Variants in SAMD5 observed in about 807,000 individuals in gnomAD.
SAMD5 encodes the protein sterile alpha motif domain containing 5.
A neutral mutation model predicts 11.3 loss-of-function variants in SAMD5; 13 were observed. The ratio of observed to expected loss-of-function variants is 1.15; its 90% CI spans 0.75 to 1.83. SAMD5 has a LOEUF of 1.83. Ranked by LOEUF, SAMD5 falls within the 40% of genes most tolerant of loss-of-function variation. The pLI is 0.00. For synonymous variants in SAMD5, 129 were observed against 111.3 expected, an observed-to-expected ratio of 1.16 and a Z score of -1.00; for missense variants, 255 against 239.1, an observed-to-expected ratio of 1.07 and a Z score of -0.44.
At chr6:147,704,335 T>C (rs1459311675) in intron 1 of SAMD5, among the ~76,000 whole-genome samples, 2 of 152,150 alleles carry the variant, frequency 1.3e-5, no homozygotes, top group Non-Finnish European at 2.9e-5. Context: ...AAATCCCTAC[T>C]TGTAATTATT....
chr6:147,874,822 T>C, the SAMD5 span, among the ~76,000 whole-genome samples: 1 of 151,934 alleles, frequency 6.6e-6, no homozygotes, highest in Non-Finnish European at 1.5e-5. Context: ...TTAATTTTAG[T>C]GGTCCTTTAT....
At chr6:147,699,695 G>A (rs1442133191) in intron 1 of SAMD5, among the ~76,000 whole-genome samples, 1 of 152,030 alleles carries the variant, frequency 6.6e-6, no homozygotes, top group African/African-American at 2.4e-5. Context: ...CTCTATCAAG[G>A]GTGATTTTAA....
At chr6:147,598,245 C>T (rs1185438849) in intron 1 of SAMD5, among the ~76,000 whole-genome samples, 1 of 151,962 alleles carries the variant, frequency 6.6e-6, no homozygotes, top group Non-Finnish European at 1.5e-5. Flanking sequence ...CCACCAGAGC[C>T]CCCCAAGTAG....
At chr6:147,808,410 C>T in the SAMD5 span, among the ~76,000 whole-genome samples, 1 of 152,068 alleles carries the variant, frequency 6.6e-6, no homozygotes, top group African/African-American at 2.4e-5. Context: ...CACTATGTTG[C>T]CCAGGCTGTT....
chr6:147,603,803 A>G (rs1789658627), intron 1 of SAMD5, among the ~76,000 whole-genome samples: 1 of 152,154 alleles, frequency 6.6e-6, no homozygotes, highest in South Asian at 2.1e-4. Context: ...AAAAACAACA[A>G]CAACAACAAA....
intron 1 of SAMD5, among the ~76,000 whole-genome samples, chr6:147,733,431 G>A (rs1307909578): frequency 6.6e-6 from 1 of 152,024 alleles, no homozygotes; most frequent in Admixed American, 6.6e-5. Context: ...CAGGTTTGCT[G>A]TGGTTTGGGG....
the SAMD5 span, among the ~76,000 whole-genome samples, chr6:147,878,290 G>A: frequency 6.6e-6 from 1 of 151,736 alleles, no homozygotes; most frequent in Non-Finnish European, 1.5e-5. Flanking sequence ...CTCACATGGT[G>A]GAAAGGAATG....
chr6:147,565,902 T>G lies in SAMD5; in HGVS notation c.*1446T>G. 1.0e-6 allele frequency: 1 copy of G among 985,430 alleles called. No individual in the cohort carries two copies. The highest frequency in any genetic ancestry group is 1.7e-5 in the African/African-American group (1 of 57,366). 61.0% of individuals were successfully genotyped at this position (985,430 alleles called of 1,614,324 possible). A position where few individuals can be genotyped will look rare whatever the true frequency, so the allele number is the denominator to read the frequency against. ...TCAATTGTTTAGAGCTCCCAAGTAGTACTGCATTACGGAATCTACTACTTA... is the reference window on the plus strand; with the variant it reads ...TCAATTGTTTAGAGCTCCCAAGTAGGACTGCATTACGGAATCTACTACTTA... On this transcript the variant is annotated 3_prime_UTR_variant, in exon 2 of 2. Transcript: ENST00000367474.
chr6:147,683,665 G>A (rs2128456486), intron 1 of SAMD5, among the ~76,000 whole-genome samples: 1 of 152,298 alleles, frequency 6.6e-6, no homozygotes, highest in South Asian at 2.1e-4. Flanking sequence ...GCATGGCAGA[G>A]AAGCATATGA....
chr6:147,751,541 T>C, the SAMD5 span, among the ~76,000 whole-genome samples: 1 of 152,202 alleles, frequency 6.6e-6, no homozygotes, highest in African/African-American at 2.4e-5. Flanking sequence ...AACCACAAAA[T>C]AGGGTTCAGT....
chr6:147,683,893 G>A (rs763412547), intron 1 of SAMD5, among the ~76,000 whole-genome samples: 9 of 152,120 alleles, frequency 5.9e-5, no homozygotes, highest in Non-Finnish European at 1.3e-4. Flanking sequence ...AATGCTTTAT[G>A]AAATAATTAC....
the SAMD5 span, among the ~76,000 whole-genome samples, chr6:147,890,936 GC>G: frequency 4.6e-5 from 7 of 152,196 alleles, no homozygotes; most frequent in Middle Eastern, 3.4e-3. Context: ...ATGGCACAAT[GC>G]ACTATGTTAC....
chr6:147,695,644 T>C (rs998221957), intron 1 of SAMD5, among the ~76,000 whole-genome samples: 1 of 152,208 alleles, frequency 6.6e-6, no homozygotes, highest in Admixed American at 6.5e-5. Context: ...TAGAGTCTTC[T>C]ATGTGCCAGA....
intron 1 of SAMD5, among the ~76,000 whole-genome samples, chr6:147,661,985 G>T (rs991472074): frequency 1.4e-4 from 21 of 152,274 alleles, no homozygotes; most frequent in African/African-American, 4.8e-4. Context: ...GTTCACGGTT[G>T]CCCATTCTGT....
intron 1 of SAMD5, among the ~76,000 whole-genome samples, chr6:147,679,784 T>C (rs1354530015): frequency 6.6e-6 from 1 of 151,072 alleles, no homozygotes; most frequent in Admixed American, 6.6e-5. Context: ...CTATTGTGTA[T>C]AATGTAAGGG....
At chr6:147,860,010 T>G in the SAMD5 span, among the ~76,000 whole-genome samples, 20 of 152,182 alleles carry the variant, frequency 1.3e-4, no homozygotes, top group Non-Finnish European at 1.5e-5. Flanking sequence ...AGGGCTGCCA[T>G]AGCAAAGTGC....
intron 1 of SAMD5, among the ~76,000 whole-genome samples, chr6:147,542,461 G>T (rs1325992792): frequency 6.6e-6 from 1 of 152,200 alleles, no homozygotes; most frequent in Non-Finnish European, 1.5e-5. Flanking sequence ...GAGTTTTATT[G>T]TTACTCCAAT....
At chr6:147,534,319 C>G (rs1788475498) in intron 1 of SAMD5, among the ~76,000 whole-genome samples, 1 of 152,214 alleles carries the variant, frequency 6.6e-6, no homozygotes, top group South Asian at 2.1e-4. Flanking sequence ...CTTTTTGAAG[C>G]AAAATCTCAT....
intron 1 of SAMD5, among the ~76,000 whole-genome samples, chr6:147,611,306 T>C (rs2128449151): frequency 6.6e-6 from 1 of 152,226 alleles, no homozygotes; most frequent in African/African-American, 2.4e-5. Flanking sequence ...TGTTTAGAAG[T>C]CATGCCTGTA....
Sources: gnomAD v4.1 joint callset for allele counts (sites outside exome capture counted in the v4.1 genomes callset) on GRCh38, gnomAD v4.1.1 for gene constraint, MANE v1.5 for transcripts, NCBI Gene and HGNC (gene_info 2026-07-23, HGNC 2026-07-21) for gene names.